The following LY9 variants were observed in gnomAD, a reference collection of about 807,000 sequenced individuals.
LY9 encodes the protein T-lymphocyte surface antigen Ly-9.
LY9 carries 59 observed loss-of-function variants against 64.6 expected under a neutral mutation model. The ratio of observed to expected loss-of-function variants is 0.91; its 90% CI spans 0.74 to 1.13. The LOEUF (loss-of-function observed/expected upper bound fraction) is 1.13. Ranked by LOEUF, LY9 falls within the 50% of genes most tolerant of loss-of-function variation. The probability of loss-of-function intolerance (pLI) is 0.00; values close to 1 mark genes in which losing one functional copy is unlikely to be tolerated. For missense variants in LY9, 789 were observed against 797.2 expected (o/e 0.99, Z 0.12); for synonymous variants, 281 against 308.5 (o/e 0.91, Z 0.93).
rs1159535770 is a variant in LY9, at chr1:160,827,981, C to G, written c.*165C>G. On this transcript the variant is annotated 3_prime_UTR_variant, in exon 10 of 10. Transcript: ENST00000263285. ...CCCTCCTTCTCACCCTTAAGGACTC[C>G]CAAACCCATTAATAGTTCAGACACA... The G allele has an allele frequency of 3.7e-6, 2 of 545,696 alleles. No homozygotes were observed. The highest frequency in any genetic ancestry group is 3.1e-5 in the East Asian group (1 of 32,644). 33.8% of individuals were successfully genotyped at this position (545,696 alleles called of 1,614,324 possible). A position where few individuals can be genotyped will look rare whatever the true frequency, so the allele number is the denominator to read the frequency against.
chr1:160,821,680 G>C (rs978597581), intron 7 of LY9, among the ~76,000 whole-genome samples: 2 of 152,302 alleles, frequency 1.3e-5, no homozygotes, highest in Non-Finnish European at 2.9e-5. Context: ...GTGGTCAAGT[G>C]TATGGGTTCT....
chr1:160,802,112 C>T lies in LY9; in HGVS notation c.454+2030C>T, dbSNP rs1570976009. The T allele has an allele frequency of 7.3e-6, 10 of 1,378,314 alleles. No homozygotes were observed. In the South Asian group the frequency reaches 8.3e-5, roughly 11 times the overall value. The allele number at this position is 1,378,314 out of a possible 1,614,324, so 85.4% of individuals were successfully genotyped here. Reference sequence around the variant, plus strand: ...TGGCACGTCGGGAACACCGGAGCCGCCAACTTGGAGACTCCTGGTCTGTGA... The same window carrying T: ...TGGCACGTCGGGAACACCGGAGCCGTCAACTTGGAGACTCCTGGTCTGTGA... On this transcript the variant is annotated intron_variant, in intron 2 of 9. Coordinates refer to ENST00000263285, the MANE Select transcript of LY9 (RefSeq NM_002348.4).
At chr1:160,801,151 G>A (rs1369701570) in intron 2 of LY9, among the ~76,000 whole-genome samples, 2 of 151,830 alleles carry the variant, frequency 1.3e-5, no homozygotes, top group Non-Finnish European at 2.9e-5. Flanking sequence ...ATATTGTTTT[G>A]CATAGTGGCT....
chr1:160,800,126 T>C, intron 2 of LY9, 44 bp downstream of exon 2: 2 of 1,496,202 alleles, frequency 1.3e-6, no homozygotes, highest in East Asian at 2.3e-5. Context: ...TTCTTTTTTT[T>C]ATTTGTGCAA....
chr1:160,802,617 A>G, intron 2 of LY9: 7 of 985,548 alleles, frequency 7.1e-6, no homozygotes, highest in Non-Finnish European at 8.4e-6. Flanking sequence ...TGTGGACCCC[A>G]TTTTATTTTT....
chr1:160,818,403 C>A, intron 6 of LY9, 84 bp downstream of exon 6: 6 of 936,894 alleles, frequency 6.4e-6, no homozygotes, highest in South Asian at 5.8e-5. Context: ...TCACACAATC[C>A]CGTGCTACCC....
chr1:160,796,838 T>C (rs776084854), intron 1 of LY9, among the ~76,000 whole-genome samples: 1 of 152,200 alleles, frequency 6.6e-6, no homozygotes, highest in Non-Finnish European at 1.5e-5. Flanking sequence ...TCCTAAGAAA[T>C]GCCAAGTATA....
At chr1:160,809,204 G>C (rs1343488374) in intron 2 of LY9, among the ~76,000 whole-genome samples, 1 of 137,622 alleles carries the variant, frequency 7.3e-6, no homozygotes, top group Non-Finnish European at 1.6e-5. Flanking sequence ...TTTTTTTTTT[G>C]AGACATCATC....
Position 160,823,768 on chromosome 1 carries a change from C to A in LY9, c.1802C>A (p.Thr601Asn). Residue 601 changes from threonine (T) to asparagine (N), a missense_variant, in exon 8 of 10, where the codon ACC becomes AAC. Thr to Asn is a moderately conservative substitution (Grantham distance 65, BLOSUM62 0). Coordinates refer to ENST00000263285, the MANE Select transcript of LY9 (RefSeq NM_002348.4). ...TEVESVVGEN[T>N]MYAQVFNLQG... is the part of the protein sequence containing the mutation. ...GTTGAGTCTGTGGTTGGAGAGAACACCATGTATGCACAAGTGTTCAACTTA... is the reference window on the plus strand; with the variant it reads ...GTTGAGTCTGTGGTTGGAGAGAACAACATGTATGCACAAGTGTTCAACTTA... The A allele has an allele frequency of 6.2e-7, 1 of 1,613,846 alleles. No individual in the cohort carries two copies. The highest frequency in any genetic ancestry group is 8.5e-7 in the Non-Finnish European group (1 of 1,179,752).
Position 160,796,320 on chromosome 1 carries a change from A to C in LY9, c.124+9A>C, listed in dbSNP as rs1307045566. 11 of 1,610,422 alleles carry C rather than the reference A, an allele frequency of 6.8e-6. No individual in the cohort carries two copies. Among genetic ancestry groups the C allele is most frequent in the Non-Finnish European group, 9.3e-6 (11 of 1,178,686 alleles). ...CCTCTTCCTGCTCATGGGTAAGTCC[A>C]CTTTATGGCCACCACTTCTTGCTAC... is the stretch of plus-strand genomic sequence containing the variant. On this transcript the variant is annotated intron_variant, in intron 1 of 9. Transcript: ENST00000263285.
In LY9 at chr1:160,814,651, C is replaced by T. The variant is rs771237447; in HGVS notation, c.962C>T (p.Ser321Phe). ...NRVWVSSQDC[S>F]LKISQLKIED... ...GTGTGGGTCTCCAGCCAGGACTGCT[C>T]CCTGAAGATCAGCCAGCTGAAGATA... Residue 321 changes from serine (S) to phenylalanine (F), a missense_variant, in exon 4 of 10, where the codon TCC becomes TTC. Ser to Phe is a radical substitution (Grantham distance 155). Transcript: ENST00000263285. 3.8e-5 allele frequency: 62 copies of T among 1,614,022 alleles called. No individual in the cohort carries two copies. In the Admixed American group the frequency reaches 7.5e-4, roughly 20 times the overall value.
intron 2 of LY9, chr1:160,813,307 A>T: frequency 3.0e-6 from 1 of 332,816 alleles, no homozygotes; most frequent in Non-Finnish European, 5.5e-6. Context: ...TTGAACATTC[A>T]TGAGTGTTTT....
At chr1:160,822,486 A>T (rs1041945742) in intron 7 of LY9, among the ~76,000 whole-genome samples, 6 of 152,176 alleles carry the variant, frequency 3.9e-5, no homozygotes, top group African/African-American at 1.4e-4. Context: ...TGGAGCCGCC[A>T]TTTTGAAAAT....
intron 7 of LY9, among the ~76,000 whole-genome samples, chr1:160,823,007 C>T (rs1668592647): frequency 6.6e-6 from 1 of 152,194 alleles, no homozygotes; most frequent in African/African-American, 2.4e-5. Flanking sequence ...TTCCTCTCTG[C>T]TTCTCTAACC....
chr1:160,820,584 A>G (rs1334593279), intron 7 of LY9, among the ~76,000 whole-genome samples: 1 of 152,122 alleles, frequency 6.6e-6, no homozygotes, highest in Non-Finnish European at 1.5e-5. Flanking sequence ...ATTAGGCTGG[A>G]CTATGAAGCT....
rs1429823537 is a variant in LY9, at chr1:160,828,189, CAT to C, written c.*374_*375del. 6.2e-6 allele frequency: 1 copy of C among 160,690 alleles called. No individual in the cohort carries two copies. Among genetic ancestry groups the C allele is most frequent in the Non-Finnish European group, 1.4e-5 (1 of 73,782 alleles). 10.0% of individuals were successfully genotyped at this position (160,690 alleles called of 1,614,324 possible). A position where few individuals can be genotyped will look rare whatever the true frequency, so the allele number is the denominator to read the frequency against. On this transcript the variant is annotated 3_prime_UTR_variant, in exon 10 of 10. Transcript: ENST00000263285. ...AAAAGAACCCAAGAGAATTGTCACA[CAT>C]GACACAAGATGTACATAATATCATG...
In LY9 at chr1:160,800,060, G is replaced by A. The variant is rs745518711; in HGVS notation, c.432G>A (p.Glu144=). 3.3e-5 allele frequency: 54 copies of A among 1,613,456 alleles called. No individual in the cohort carries two copies. In the South Asian group the frequency reaches 5.7e-4, roughly 17 times the overall value. The part of the protein sequence containing the change: ...NQRNFEVTTE[E]EFTLFVYEQL... ...GGAATTTTGAAGTCACCACTGAGGA[G>A]GAATTCACCCTGTTCGTCTATGGTG... The change falls in exon 2 of 10, where the codon GAG becomes GAA. Residue 144 remains glutamate, a synonymous_variant. Transcript: ENST00000263285.
Position 160,822,771 on chromosome 1 carries a change from C to T in LY9, c.1499-694C>T, listed in dbSNP as rs138650577. Among the ~76,000 whole-genome samples the T allele has an allele frequency of 4.9e-3, 741 of 152,292 alleles. 6 individuals carry two copies. The highest frequency in any genetic ancestry group is 0.017 in the Middle Eastern group (5 of 294). Reference sequence around the variant, plus strand: ...CAGTGGGCCACACCGGCCCTCACAGCGCATCCACCATGCCACTGTTCACAG... The same window carrying T: ...CAGTGGGCCACACCGGCCCTCACAGTGCATCCACCATGCCACTGTTCACAG... On this transcript the variant is annotated intron_variant, in intron 7 of 9. Transcript: ENST00000263285.
intron 7 of LY9, among the ~76,000 whole-genome samples, chr1:160,822,455 T>C (rs1283471923): frequency 7.2e-5 from 11 of 152,164 alleles, no homozygotes; most frequent in African/African-American, 2.7e-4. Flanking sequence ...TTCAATACAG[T>C]GGCTGGCAGG....
Sources: allele counts gnomAD v4.1 joint callset (sites outside exome capture counted in the v4.1 genomes callset), GRCh38; gene constraint gnomAD v4.1.1; transcripts MANE v1.5; gene names NCBI Gene and HGNC (gene_info 2026-07-23, HGNC 2026-07-21).